The following SPTBN4 variants were observed in gnomAD, a reference collection of about 807,000 sequenced individuals.
SPTBN4 encodes spectrin beta chain, non-erythrocytic 4.
A neutral mutation model predicts 277.8 loss-of-function variants in SPTBN4; 96 were observed. The ratio of observed to expected loss-of-function variants is 0.35; its 90% CI spans 0.29 to 0.41. The LOEUF is 0.41. Among genes scored for constraint, SPTBN4 ranks in the 10% least tolerant of loss-of-function variants. SPTBN4 has a pLI of 1.00. For synonymous variants in SPTBN4, 1,481 were observed against 1,580.3 expected, an observed-to-expected ratio of 0.94 and a Z score of 1.49; for missense variants, 3,006 against 3,595.7, an observed-to-expected ratio of 0.84 and a Z score of 4.19.
intron 18 of SPTBN4, chr19:40,530,358 G>T: frequency 4.5e-6 from 1 of 221,216 alleles, no homozygotes; most frequent in Non-Finnish European, 7.6e-6. Context: ...AAGCCTTGGG[G>T]CGAGTGGTGG....
intron 18 of SPTBN4, among the ~76,000 whole-genome samples, chr19:40,532,371 C>T (rs2080685673): frequency 6.6e-6 from 1 of 152,026 alleles, no homozygotes; most frequent in East Asian, 1.9e-4. Flanking sequence ...GGGCTTCCCT[C>T]AGGACAGGGG....
chr19:40,508,265 G>T (rs2080351926), intron 13 of SPTBN4, among the ~76,000 whole-genome samples: 1 of 152,186 alleles, frequency 6.6e-6, no homozygotes, highest in Non-Finnish European at 1.5e-5. Context: ...CTCTAATAAG[G>T]TTCCTGTCTT....
At position 40,557,210 on chromosome 19, in the gene SPTBN4, G is replaced by T; in HGVS notation, c.5477G>T (p.Arg1826Leu). The T allele has an allele frequency of 6.2e-7, 1 of 1,610,758 alleles. No homozygotes were observed. The highest frequency in any genetic ancestry group is 8.5e-7 in the Non-Finnish European group (1 of 1,177,614). Residue 1826 changes from arginine to leucine, a missense_variant, in exon 26 of 36, where the codon CGG (arginine) becomes CTG (leucine). Arg to Leu is a moderately radical substitution (Grantham distance 102). Around this residue, in one of 5 missense-constraint regions of SPTBN4, gnomAD observed 425 missense variants for 594.7 expected, o/e 0.71. Coordinates refer to ENST00000598249, the MANE Select transcript of SPTBN4 (RefSeq NM_020971.3). ...GAGCTGCTGGAGCTCATGGGCACAC[G>T]GGCCCAGCTGCTGGCCGCCTCTCGG... ...WAELLELMGT[R>L]AQLLAASREL...
chr19:40,497,158 T>C (rs1211764683), intron 6 of SPTBN4, among the ~76,000 whole-genome samples: 5 of 151,838 alleles, frequency 3.3e-5, no homozygotes, highest in Non-Finnish European at 7.4e-5. Context: ...GTCATATGAT[T>C]TCACAGAGAC....
At chr19:40,565,371 C>A (rs950617141) in intron 27 of SPTBN4, 52 bp from the exon 28 acceptor site, 23 of 1,575,494 alleles carry the variant, frequency 1.5e-5, no homozygotes, top group Non-Finnish European at 1.9e-5. Context: ...ATGTATGGGG[C>A]AGGCTGAGGA....
chr19:40,536,699 G>A (rs2080741062), intron 20 of SPTBN4, among the ~76,000 whole-genome samples: 1 of 152,206 alleles, frequency 6.6e-6, no homozygotes, highest in African/African-American at 2.4e-5. Flanking sequence ...CTGTATCCCA[G>A]CACTTTGGGA....
chr19:40,537,018 A>G (rs2080745774), intron 20 of SPTBN4, among the ~76,000 whole-genome samples: 1 of 151,876 alleles, frequency 6.6e-6, no homozygotes, highest in South Asian at 2.1e-4. Flanking sequence ...TTGAACTAAA[A>G]AAAAAAACTA....
At chr19:40,486,065 G>C (rs757013630) in intron 2 of SPTBN4, among the ~76,000 whole-genome samples, 97 of 151,864 alleles carry the variant, frequency 6.4e-4, no homozygotes, top group Non-Finnish European at 1.2e-3. Flanking sequence ...CTATGTGGGT[G>C]GATTCCTTGA....
At chr19:40,475,139 T>A (rs1277209154) in intron 2 of SPTBN4, among the ~76,000 whole-genome samples, 1 of 152,078 alleles carries the variant, frequency 6.6e-6, no homozygotes. Context: ...TGAACCTTAG[T>A]ACTTAGTATT....
Position 40,565,272 on chromosome 19 carries a change from AAAAGAAAAG to A in SPTBN4, c.5916-147_5916-139del. On this transcript the variant is annotated intron_variant, in intron 27 of 35. Coordinates refer to ENST00000598249, the MANE Select transcript of SPTBN4 (RefSeq NM_020971.3). ...AGGGTGAGACTTTATCTCAAAAAAAAAAAGAAAAGAAAAGAAAAGAAAAGAAAGTAAGTG... is the reference window on the plus strand; with the variant it reads ...AGGGTGAGACTTTATCTCAAAAAAAAAAAAGAAAAGAAAAGAAAGTAAGTG... 5 of 734,724 alleles carry A rather than the reference AAAAGAAAAG, an allele frequency of 6.8e-6. No individual in the cohort carries two copies. The African/African-American group carries it at 8.1e-5, about 12-fold the overall frequency. 45.5% of individuals were successfully genotyped at this position (734,724 alleles called of 1,614,324 possible).
At chr19:40,531,594 A>C (rs1421161540) in intron 18 of SPTBN4, among the ~76,000 whole-genome samples, 6 of 136,650 alleles carry the variant, frequency 4.4e-5, no homozygotes, top group Admixed American at 8.1e-5. Flanking sequence ...ATGAGTGGGG[A>C]AGTTCTGGCT....
At chr19:40,472,930 T>G in intron 2 of SPTBN4, 140 bp downstream of exon 2, 1 of 879,324 alleles carries the variant, frequency 1.1e-6, no homozygotes, top group South Asian at 2.0e-5. Context: ...ATAGTCTATA[T>G]CCATAATGTA....
At position 40,572,159 on chromosome 19, in the gene SPTBN4, A is replaced by T; in HGVS notation, c.7460A>T (p.Asp2487Val). 6.2e-7 allele frequency: 1 copy of T among 1,605,582 alleles called. No homozygotes were observed. Among genetic ancestry groups the T allele is most frequent in the Non-Finnish European group, 8.5e-7 (1 of 1,174,976 alleles). Reference protein sequence around the residue: ...LHKATSEVASDYKKKKHVFKL... With the variant: ...LHKATSEVASVYKKKKHVFKL... The stretch of plus-strand genomic sequence containing the variant: ...AAGGCCACCAGCGAGGTGGCTAGTG[A>T]CTACAAGAAAAAGAAGCATGTCTTC... Residue 2487 changes from aspartate to valine, a missense_variant, in exon 34 of 36, where the codon GAC becomes GTC. Asp to Val is a radical substitution (Grantham distance 152). Coordinates refer to ENST00000598249, the MANE Select transcript of SPTBN4 (RefSeq NM_020971.3).
chr19:40,500,566 T>A (rs1027330319), intron 7 of SPTBN4, among the ~76,000 whole-genome samples: 1 of 152,220 alleles, frequency 6.6e-6, no homozygotes, highest in Non-Finnish European at 1.5e-5. Flanking sequence ...ACGCCTATAG[T>A]CCCAGCACTA....
chr19:40,515,195 C>A lies in SPTBN4; in HGVS notation c.2766-116C>A. 1 of 1,160,094 alleles carries A rather than the reference C, an allele frequency of 8.6e-7. No individual in the cohort carries two copies. Among genetic ancestry groups the A allele is most frequent in the Non-Finnish European group, 1.2e-6 (1 of 862,322 alleles). 71.9% of individuals were successfully genotyped at this position (1,160,094 alleles called of 1,614,324 possible). On this transcript the variant is annotated intron_variant, in intron 14 of 35. Coordinates refer to ENST00000598249, the MANE Select transcript of SPTBN4 (RefSeq NM_020971.3). This position sits in a 1 kb window ranked among gnomAD's most constrained non-coding sequence, Gnocchi z 4.1. ...CAGCAAGTAGAAGAGAAGGAGCCCA[C>A]AAAGGAGGCTGAAAAGAAGGGTGGA...
At chr19:40,529,461 C>A (rs1053417213) in intron 18 of SPTBN4, among the ~76,000 whole-genome samples, 1 of 150,346 alleles carries the variant, frequency 6.7e-6, no homozygotes, top group Non-Finnish European at 1.5e-5. Flanking sequence ...AGGAGAGGGG[C>A]GGGGCGGGCG....
At chr19:40,507,404 T>C (rs1237160777) in intron 13 of SPTBN4, among the ~76,000 whole-genome samples, 2 of 151,918 alleles carry the variant, frequency 1.3e-5, no homozygotes, top group Admixed American at 6.6e-5. Flanking sequence ...TCAAGGGTGC[T>C]TTTAGGACTC....
At chr19:40,530,405 G>A in intron 18 of SPTBN4, 1 of 718,580 alleles carries the variant, frequency 1.4e-6, no homozygotes, top group Non-Finnish European at 1.7e-6. Context: ...CCGCAAAGAG[G>A]CGGGCAGGGA....
rs1354003034 is a variant in SPTBN4, at chr19:40,519,301, G to A, written c.2904-100G>A. On this transcript the variant is annotated intron_variant, in intron 15 of 35. Coordinates refer to ENST00000598249, the MANE Select transcript of SPTBN4 (RefSeq NM_020971.3). The surrounding 1 kb of genome is among the most constrained non-coding windows in gnomAD (Gnocchi z 5.7). Reference sequence around the variant, plus strand: ...AGAAACTTTCTGAGGTCACACAGTGGCTGGGTGGCTTGGGCCTGGATTCTA... The same window carrying A: ...AGAAACTTTCTGAGGTCACACAGTGACTGGGTGGCTTGGGCCTGGATTCTA... 2.5e-5 allele frequency: 31 copies of A among 1,230,930 alleles called. No homozygotes were observed. Among genetic ancestry groups the A allele is most frequent in the Non-Finnish European group, 3.2e-5 (30 of 943,692 alleles). The allele number at this position is 1,230,930 out of a possible 1,614,324, so 76.3% of individuals were successfully genotyped here.
Sources: allele counts gnomAD v4.1 joint callset (sites outside exome capture counted in the v4.1 genomes callset), GRCh38; gene constraint gnomAD v4.1.1; regional missense constraint gnomAD v4.1.1; non-coding constraint Gnocchi (gnomAD v3.1); transcripts MANE v1.5; gene names NCBI Gene and HGNC (gene_info 2026-07-23, HGNC 2026-07-21).